The following COLEC10 variants were observed in gnomAD, a reference collection of about 807,000 sequenced individuals.
COLEC10 encodes collectin subfamily member 10, also known as collectin-10.
In COLEC10, 22 loss-of-function variants were observed where a neutral mutation model predicts 28.4. The ratio of observed to expected loss-of-function variants is 0.78; its 90% CI spans 0.55 to 1.11. COLEC10 has a LOEUF of 1.11. Among genes scored for constraint, COLEC10 ranks in the 50% least tolerant of loss-of-function variants. The probability of loss-of-function intolerance (pLI) is 0.00; values close to 1 mark genes in which losing one functional copy is unlikely to be tolerated. For synonymous variants in COLEC10, 125 were observed against 116.1 expected (o/e 1.08, Z -0.49); for missense variants, 361 against 344.1 (o/e 1.05, Z -0.39).
the COLEC10 span, among the ~76,000 whole-genome samples, chr8:118,963,449 C>G: frequency 6.6e-6 from 1 of 152,188 alleles, no homozygotes; most frequent in Non-Finnish European, 1.5e-5. Context: ...CTAATTCCAG[C>G]TTCATTCAAC....
At chr8:119,059,675 G>A (rs1469550680) in intron 2 of COLEC10, among the ~76,000 whole-genome samples, 2 of 152,024 alleles carry the variant, frequency 1.3e-5, no homozygotes, top group Admixed American at 1.3e-4. Context: ...CTGCCATGAG[G>A]AGAGAGGTGG....
At chr8:118,961,355 T>C in the COLEC10 span, among the ~76,000 whole-genome samples, 1 of 152,232 alleles carries the variant, frequency 6.6e-6, no homozygotes, top group African/African-American at 2.4e-5. Flanking sequence ...ATTATTTATT[T>C]GACAGTAAGC....
chr8:119,007,689 C>T (rs1354202223), intron 1 of COLEC10, among the ~76,000 whole-genome samples: 1 of 150,942 alleles, frequency 6.6e-6, no homozygotes, highest in East Asian at 1.9e-4. Flanking sequence ...AGTAATAGAA[C>T]TTAGAGTGAA....
chr8:119,098,210 A>G (rs1000265874), intron 3 of COLEC10, among the ~76,000 whole-genome samples: 1 of 152,056 alleles, frequency 6.6e-6, no homozygotes, highest in Non-Finnish European at 1.5e-5. Context: ...AAAGCTAAGG[A>G]TCTTAAGCAC....
At chr8:119,101,319 T>G (rs778615682) in intron 3 of COLEC10, among the ~76,000 whole-genome samples, 1 of 152,152 alleles carries the variant, frequency 6.6e-6, no homozygotes, top group African/African-American at 2.4e-5. Context: ...AAGCATAAAC[T>G]CTATTTTAAT....
At chr8:119,100,372 C>G (rs1283451934) in intron 3 of COLEC10, among the ~76,000 whole-genome samples, 1 of 152,112 alleles carries the variant, frequency 6.6e-6, no homozygotes, top group African/African-American at 2.4e-5. Context: ...TGTAAGGTAT[C>G]CCGAATAGTA....
At chr8:119,042,084 GC>G in intron 2 of COLEC10, among the ~76,000 whole-genome samples, 1 of 151,774 alleles carries the variant, frequency 6.6e-6, no homozygotes, top group African/African-American at 2.4e-5. Flanking sequence ...TACAACCTCT[GC>G]CTCTCAGGTT....
intron 1 of COLEC10, among the ~76,000 whole-genome samples, chr8:118,996,014 CT>C (rs1813582858): frequency 6.6e-6 from 1 of 152,118 alleles, no homozygotes; most frequent in Non-Finnish European, 1.5e-5. Flanking sequence ...ATAGTTGAAA[CT>C]TTGCACCTGT....
Position 119,070,442 on chromosome 8 carries a change from C to CTCG in COLEC10, c.148+3013_148+3014insTCG, listed in dbSNP as rs1815080428. Among the ~76,000 whole-genome samples the CTCG allele has an allele frequency of 6.9e-5, 9 of 130,394 alleles. No individual in the cohort carries two copies. The South Asian group carries it at 1.7e-3, about 25-fold the overall frequency. 85.5% of individuals were successfully genotyped at this position (130,394 alleles called of 152,430 possible). A position where few individuals can be genotyped will look rare whatever the true frequency, so the allele number is the denominator to read the frequency against. On this transcript the variant is annotated intron_variant, in intron 1 of 5. Coordinates refer to ENST00000332843, the MANE Select transcript of COLEC10 (RefSeq NM_006438.5). ...CCTAACAGGAAAATGAAATGTTCTC[C>CTCG]CTCGCTCTCTCTCTCTCTCTCTCTC...
intron 1 of COLEC10, among the ~76,000 whole-genome samples, chr8:119,069,621 AAAAAAAAAATATATATATAT>A (rs1230956500): frequency 1.6e-5 from 1 of 61,712 alleles, no homozygotes; most frequent in African/African-American, 7.2e-5. Context: ...AAAAAAAAAA[AAAAAAAAAATATATATATAT>A]ATATATATAT....
intron 4 of COLEC10, 67 bp downstream of exon 4, chr8:119,102,468 A>T (rs887994296): frequency 1.6e-6 from 2 of 1,289,586 alleles, no homozygotes; most frequent in East Asian, 4.7e-5. Context: ...TCAAAAATAA[A>T]TATATTTCAA....
chr8:118,972,628 G>T, the COLEC10 span, among the ~76,000 whole-genome samples: 1 of 151,920 alleles, frequency 6.6e-6, no homozygotes, highest in Non-Finnish European at 1.5e-5. Flanking sequence ...GAGTTGCTCT[G>T]GCTAAGAAGC....
the COLEC10 span, among the ~76,000 whole-genome samples, chr8:118,972,676 T>A: frequency 6.6e-6 from 1 of 151,924 alleles, no homozygotes; most frequent in South Asian, 2.1e-4. Context: ...CTCCCATAGG[T>A]CATATTCAAT....
chr8:119,094,598 T>C (rs1349986296), intron 3 of COLEC10, among the ~76,000 whole-genome samples: 1 of 152,198 alleles, frequency 6.6e-6, no homozygotes, highest in Non-Finnish European at 1.5e-5. Flanking sequence ...TGATGAATTC[T>C]GTACTACCTT....
intron 3 of COLEC10, among the ~76,000 whole-genome samples, chr8:119,093,350 T>C (rs756362716): frequency 1.3e-5 from 2 of 152,166 alleles, no homozygotes; most frequent in Non-Finnish European, 1.5e-5. Flanking sequence ...GAGGCAGGGA[T>C]GAAGGGCAGT....
intron 3 of COLEC10, among the ~76,000 whole-genome samples, chr8:119,096,521 G>A (rs1315109404): frequency 6.6e-6 from 1 of 151,290 alleles, no homozygotes; most frequent in African/African-American, 2.4e-5. Flanking sequence ...AACCAGGGAG[G>A]CGGAGATTGC....
intron 2 of COLEC10, among the ~76,000 whole-genome samples, chr8:119,020,912 T>G (rs1307418704): frequency 6.6e-6 from 1 of 152,146 alleles, no homozygotes; most frequent in Non-Finnish European, 1.5e-5. Flanking sequence ...TACACATGAA[T>G]TTCATGCTGT....
rs1267887232 is a variant in COLEC10, at chr8:119,060,605, A to G, written n.236-29075A>G. Reference sequence around the variant, plus strand: ...AAAGTAAGAACAGTGAGTTTCTTAAATCCCTTTCTTAATCAGAATGCTACT... The same window carrying G: ...AAAGTAAGAACAGTGAGTTTCTTAAGTCCCTTTCTTAATCAGAATGCTACT... On this transcript the variant is annotated intron_variant and non_coding_transcript_variant, in intron 2 of 6. Coordinates refer to the COLEC10 transcript ENST00000521788. 2.0e-5 allele frequency among the ~76,000 whole-genome samples: 3 copies of G among 152,130 alleles called. No individual in the cohort carries two copies. The South Asian group carries it at 6.2e-4, about 31-fold the overall frequency.
At chr8:119,017,918 G>C (rs1176913999) in intron 2 of COLEC10, among the ~76,000 whole-genome samples, 1 of 152,146 alleles carries the variant, frequency 6.6e-6, no homozygotes, top group Non-Finnish European at 1.5e-5. Context: ...GCCACCTTGA[G>C]GGAGGGCAAA....
Sources: gnomAD v4.1 joint callset for allele counts (sites outside exome capture counted in the v4.1 genomes callset) on GRCh38, gnomAD v4.1.1 for gene constraint, MANE v1.5 for transcripts, NCBI Gene and HGNC (gene_info 2026-07-23, HGNC 2026-07-21) for gene names.